ST6GALNAC3: variants seen among roughly 807,000 people sequenced by gnomAD.
ST6GALNAC3 encodes alpha-N-acetylgalactosaminide alpha-2,6-sialyltransferase 3.
In ST6GALNAC3, 25 loss-of-function variants were observed where a neutral mutation model predicts 32.7. The ratio of observed to expected loss-of-function variants is 0.76; its 90% CI spans 0.56 to 1.07. ST6GALNAC3 has a LOEUF of 1.07. ST6GALNAC3 is among the 50% of genes least tolerant of loss of function. The pLI is 0.00. For missense variants in ST6GALNAC3, 355 were observed against 382.4 expected (o/e 0.93, Z 0.60); for synonymous variants, 129 against 133.1 (o/e 0.97, Z 0.21).
chr1:76,525,059 A>T (rs1662781945), intron 3 of ST6GALNAC3, among the ~76,000 whole-genome samples: 1 of 152,154 alleles, frequency 6.6e-6, no homozygotes, highest in Non-Finnish European at 1.5e-5. Context: ...CTCATTATGA[A>T]ATCATCAGTG....
intron 1 of ST6GALNAC3, among the ~76,000 whole-genome samples, chr1:76,283,445 A>C (rs1429926797): frequency 6.6e-6 from 1 of 152,176 alleles, no homozygotes; most frequent in Non-Finnish European, 1.5e-5. Context: ...TTATGTGTAC[A>C]TGAGCAGGAC....
intron 1 of ST6GALNAC3, among the ~76,000 whole-genome samples, chr1:76,177,186 G>A (rs1410165113): frequency 6.6e-6 from 1 of 152,102 alleles, no homozygotes; most frequent in Non-Finnish European, 1.5e-5. Flanking sequence ...AGTCTTTTAA[G>A]AGCCTTTTGG....
At chr1:76,394,040 C>T (rs996066962) in intron 2 of ST6GALNAC3, among the ~76,000 whole-genome samples, 1 of 152,178 alleles carries the variant, frequency 6.6e-6, no homozygotes, top group Non-Finnish European at 1.5e-5. Context: ...TGTGGGGTGG[C>T]TTTCCTTTTG....
chr1:76,287,474 A>G (rs147477171), intron 1 of ST6GALNAC3, among the ~76,000 whole-genome samples: 1 of 150,510 alleles, frequency 6.6e-6, no homozygotes, highest in African/African-American at 2.5e-5. Flanking sequence ...ATTTGGTCAC[A>G]GTAAACTGAA....
intron 1 of ST6GALNAC3, among the ~76,000 whole-genome samples, chr1:76,119,798 T>A (rs1648743372): frequency 1.0e-4 from 1 of 9,634 alleles, no homozygotes; most frequent in African/African-American, 2.3e-4. Flanking sequence ...GTTTTATAGA[T>A]GATGATAATA....
At chr1:76,408,038 G>A (rs919955308) in intron 2 of ST6GALNAC3, among the ~76,000 whole-genome samples, 1 of 152,134 alleles carries the variant, frequency 6.6e-6, no homozygotes, top group Admixed American at 6.6e-5. Context: ...TTGTGCCTAG[G>A]TATTTCTTTC....
chr1:76,135,319 A>AT (rs1026588971), intron 1 of ST6GALNAC3, among the ~76,000 whole-genome samples: 35 of 152,094 alleles, frequency 2.3e-4, no homozygotes, highest in Middle Eastern at 3.2e-3. Flanking sequence ...GTTAATCTAT[A>AT]TTTTTTTAAC....
At chr1:76,373,840 T>C (rs952764242) in intron 2 of ST6GALNAC3, among the ~76,000 whole-genome samples, 4 of 152,178 alleles carry the variant, frequency 2.6e-5, no homozygotes, top group Admixed American at 6.5e-5. Context: ...AAGAGGGTGC[T>C]GTAAGTATTT....
intron 1 of ST6GALNAC3, among the ~76,000 whole-genome samples, chr1:76,268,387 G>T (rs1658653575): frequency 6.6e-6 from 1 of 152,294 alleles, no homozygotes; most frequent in East Asian, 1.9e-4. Flanking sequence ...AGAGAAAGCA[G>T]ATGCAGTGTG....
In ST6GALNAC3 at chr1:76,112,884, T is replaced by TC. The variant is rs531269887; in HGVS notation, c.18+38003dup. On this transcript the variant is annotated intron_variant, in intron 1 of 4. Coordinates refer to ENST00000328299, the MANE Select transcript of ST6GALNAC3 (RefSeq NM_152996.4). ...CAGCCAGGCAGAGAGGCTCCTCACA[T>TC]CCCAGACGATGGGCGGCCAGGCAGA... Among the ~76,000 whole-genome samples, 242 of 146,282 alleles carry TC rather than the reference T, an allele frequency of 1.7e-3. 1 individual carries two copies. Among genetic ancestry groups the TC allele is most frequent in the African/African-American group, 5.8e-3 (226 of 38,760 alleles).
intron 1 of ST6GALNAC3, among the ~76,000 whole-genome samples, chr1:76,239,400 A>T (rs1477052872): frequency 1.1e-5 from 1 of 93,686 alleles, no homozygotes; most frequent in Non-Finnish European, 2.1e-5. Flanking sequence ...TATTTATAAT[A>T]AAAAAAAAGT....
chr1:76,630,734 T>A lies in ST6GALNAC3; in HGVS notation c.*1928T>A, dbSNP rs1004656445. 1.5e-4 allele frequency: 149 copies of A among 985,572 alleles called. No individual in the cohort carries two copies. Among genetic ancestry groups the A allele is most frequent in the Non-Finnish European group, 1.7e-4 (143 of 829,852 alleles). 61.1% of individuals were successfully genotyped at this position (985,572 alleles called of 1,614,324 possible). A position where few individuals can be genotyped will look rare whatever the true frequency, so the allele number is the denominator to read the frequency against. On this transcript the variant is annotated 3_prime_UTR_variant, in exon 5 of 5. Coordinates refer to ENST00000328299, the MANE Select transcript of ST6GALNAC3 (RefSeq NM_152996.4). ...CAATATTCACACCCATAAACATTAC[T>A]AAGCCCCAGTTCTATCGTTGGAAGG... is the stretch of plus-strand genomic sequence containing the variant.
chr1:76,137,336 T>G (rs150364785), intron 1 of ST6GALNAC3, among the ~76,000 whole-genome samples: 1 of 152,226 alleles, frequency 6.6e-6, no homozygotes, highest in Non-Finnish European at 1.5e-5. Flanking sequence ...GGGGAATTTC[T>G]AAGATTGAAG....
intron 3 of ST6GALNAC3, among the ~76,000 whole-genome samples, chr1:76,420,208 G>A (rs894914752): frequency 1.1e-4 from 17 of 151,916 alleles, no homozygotes; most frequent in African/African-American, 1.9e-4. Flanking sequence ...TTCCAGGCCC[G>A]GCCATCCTGT....
chr1:76,325,426 A>G (rs373133677), intron 2 of ST6GALNAC3, among the ~76,000 whole-genome samples: 1 of 152,054 alleles, frequency 6.6e-6, no homozygotes, highest in African/African-American at 2.4e-5. Context: ...ACACTATAAC[A>G]GTTTTTTCTA....
At chr1:76,351,128 G>A (rs1648942220) in intron 2 of ST6GALNAC3, among the ~76,000 whole-genome samples, 1 of 152,108 alleles carries the variant, frequency 6.6e-6, no homozygotes, top group Non-Finnish European at 1.5e-5. Flanking sequence ...TTCATACAAA[G>A]ATTCGGCTAC....
rs1414762007 is a variant in ST6GALNAC3 at position 76,476,111 on chromosome 1, TG to T, written c.623+63697del. 2.6e-5 allele frequency among the ~76,000 whole-genome samples: 4 copies of T among 152,310 alleles called. No individual in the cohort carries two copies. In the East Asian group the frequency reaches 7.7e-4, roughly 29 times the overall value. The stretch of plus-strand genomic sequence containing the variant: ...ATCCAGTCTATCATTGATGGGCATT[TG>T]GGTCGGAATTTTTATAAAACTTCAA... On this transcript the variant is annotated intron_variant, in intron 3 of 4. Coordinates refer to ENST00000328299, the MANE Select transcript of ST6GALNAC3 (RefSeq NM_152996.4).
At position 76,501,426 on chromosome 1, in the gene ST6GALNAC3, C is replaced by G. The variant is rs1413205015; in HGVS notation, c.623+89009C>G. On this transcript the variant is annotated intron_variant, in intron 3 of 4. Coordinates refer to ENST00000328299, the MANE Select transcript of ST6GALNAC3 (RefSeq NM_152996.4). ...GTTGCACAAAAACAAACACCAGGGA[C>G]AAGAAAATTCCTTCCTTCCTTCCTT... Among the ~76,000 whole-genome samples the G allele has an allele frequency of 2.0e-5, 3 of 152,184 alleles. No individual in the cohort carries two copies. The East Asian group carries it at 5.8e-4, about 29-fold the overall frequency.
intron 1 of ST6GALNAC3, among the ~76,000 whole-genome samples, chr1:76,115,141 G>T (rs1648372555): frequency 6.6e-6 from 1 of 152,058 alleles, no homozygotes; most frequent in African/African-American, 2.4e-5. Context: ...TTTTCAAGGA[G>T]AAAAATAGAT....
Sources: allele counts gnomAD v4.1 joint callset (sites outside exome capture counted in the v4.1 genomes callset), GRCh38; gene constraint gnomAD v4.1.1; transcripts MANE v1.5; gene names NCBI Gene and HGNC (gene_info 2026-07-23, HGNC 2026-07-21).